The following KCNMA1 variants were observed in gnomAD, a reference collection of about 807,000 sequenced individuals.
The protein encoded by KCNMA1 is potassium calcium-activated channel subfamily M alpha 1.
In KCNMA1, 29 loss-of-function variants were observed where a neutral mutation model predicts 140.0. The observed-to-expected ratio is 0.21, with a 90% CI of 0.15 to 0.28. The LOEUF is 0.28. Among genes scored for constraint, KCNMA1 ranks in the 10% least tolerant of loss-of-function variants. The pLI is 1.00. For synonymous variants in KCNMA1, 612 were observed against 611.9 expected, an observed-to-expected ratio of 1.00 and a Z score of 0.00; for missense variants, 880 against 1,602.2, an observed-to-expected ratio of 0.55 and a Z score of 7.70.
intron 1 of KCNMA1, among the ~76,000 whole-genome samples, chr10:77,553,074 G>A (rs1434891611): frequency 1.3e-5 from 2 of 152,080 alleles, no homozygotes; most frequent in Non-Finnish European, 2.9e-5. Flanking sequence ...AAAAACGCCG[G>A]GTGGCGGGGT....
chr10:76,999,454 G>A (rs897272453), intron 19 of KCNMA1, among the ~76,000 whole-genome samples: 3 of 152,168 alleles, frequency 2.0e-5, no homozygotes, highest in Non-Finnish European at 4.4e-5. Context: ...CCGGGGGCTT[G>A]TGGTTACTTT....
At chr10:77,302,323 C>G (rs535549733) in intron 2 of KCNMA1, among the ~76,000 whole-genome samples, 1 of 152,110 alleles carries the variant, frequency 6.6e-6, no homozygotes, top group Non-Finnish European at 1.5e-5. Flanking sequence ...TGCTGCCCAC[C>G]CCCATACTGC....
intron 1 of KCNMA1, among the ~76,000 whole-genome samples, chr10:77,606,879 C>T (rs1473076294): frequency 3.9e-5 from 6 of 152,148 alleles, no homozygotes. Flanking sequence ...TCTGGGGAAG[C>T]CAACAACCCC....
chr10:77,349,335 C>T (rs1379604340), intron 2 of KCNMA1, among the ~76,000 whole-genome samples: 3 of 152,180 alleles, frequency 2.0e-5, no homozygotes, highest in Non-Finnish European at 4.4e-5. Flanking sequence ...CTGCTGGTGT[C>T]TTGACCTTGA....
intron 1 of KCNMA1, among the ~76,000 whole-genome samples, chr10:77,632,495 G>A (rs1009827208): frequency 5.3e-5 from 8 of 152,170 alleles, no homozygotes; most frequent in South Asian, 2.1e-4. Flanking sequence ...GTCGATGTTC[G>A]TCCACTGATA....
At chr10:77,389,347 A>T (rs1371957471) in intron 2 of KCNMA1, among the ~76,000 whole-genome samples, 2 of 152,190 alleles carry the variant, frequency 1.3e-5, no homozygotes, top group Non-Finnish European at 2.9e-5. Flanking sequence ...TCCGGCAGTC[A>T]TTATTTTAAA....
At chr10:77,091,496 A>T (rs1413684669) in intron 9 of KCNMA1, 1 of 152,236 alleles carries the variant, frequency 6.6e-6, no homozygotes, top group African/African-American at 2.4e-5. Context: ...TTGATGCAAG[A>T]GTCAGCCACA....
chr10:77,577,237 C>CG (rs1218715290), intron 1 of KCNMA1, among the ~76,000 whole-genome samples: 6 of 151,652 alleles, frequency 4.0e-5, no homozygotes, highest in Non-Finnish European at 7.4e-5. Context: ...TTAGTAGAGA[C>CG]GGGGGTTTCA....
intron 1 of KCNMA1, among the ~76,000 whole-genome samples, chr10:77,435,696 A>G (rs911686781): frequency 6.6e-6 from 1 of 152,250 alleles, no homozygotes; most frequent in Non-Finnish European, 1.5e-5. Flanking sequence ...AGATTATTTA[A>G]TGTCAAAGAA....
chr10:77,431,783 G>T (rs962101529), intron 1 of KCNMA1, among the ~76,000 whole-genome samples: 8 of 151,214 alleles, frequency 5.3e-5, no homozygotes, highest in African/African-American at 1.9e-4. Context: ...GGATCACGAG[G>T]TTAGGAGATT....
chr10:77,360,777 G>C (rs1420149569), intron 2 of KCNMA1, among the ~76,000 whole-genome samples: 2 of 152,172 alleles, frequency 1.3e-5, no homozygotes, highest in Admixed American at 1.3e-4. Flanking sequence ...ACAGCACTCA[G>C]CCCAGAAGAG....
intron 2 of KCNMA1, among the ~76,000 whole-genome samples, chr10:77,356,227 C>T (rs1350256819): frequency 6.6e-6 from 1 of 152,174 alleles, no homozygotes; most frequent in Non-Finnish European, 1.5e-5. Context: ...CTCTACCATT[C>T]TGACCCTGTT....
At chr10:76,888,095 G>T (rs1319534184) in intron 27 of KCNMA1, 1 of 164,230 alleles carries the variant, frequency 6.1e-6, no homozygotes, top group Non-Finnish European at 1.3e-5. Flanking sequence ...GTCAACAGCA[G>T]ATGTGACTAA....
chr10:77,079,613 T>C lies in KCNMA1; in HGVS notation c.1524-63A>G, dbSNP rs372090594. The stretch of plus-strand genomic sequence containing the variant: ...TTATGCATGGTGTCTGACAAAAAGA[T>C]CAATTTTACTGTCTCCAAATGGGGT... On this transcript the variant is annotated intron_variant, in intron 12 of 27. Coordinates refer to ENST00000286628, the MANE Select transcript of KCNMA1 (RefSeq NM_001161352.2). 1,127 of 1,130,158 alleles carry C rather than the reference T, an allele frequency of 1.0e-3. 2 individuals are homozygous for C. Among genetic ancestry groups the C allele is most frequent in the Middle Eastern group, 1.7e-3 (9 of 5,160 alleles). The allele number at this position is 1,130,158 out of a possible 1,614,324, so 70.0% of individuals were successfully genotyped here. A position where few individuals can be genotyped will look rare whatever the true frequency, so the allele number is the denominator to read the frequency against.
At chr10:77,091,198 G>A (rs1468526285) in intron 9 of KCNMA1, 1 of 153,690 alleles carries the variant, frequency 6.5e-6, no homozygotes, top group African/African-American at 2.4e-5. Flanking sequence ...TGCGTCCCCA[G>A]AGGGCTGCTT....
intron 20 of KCNMA1, among the ~76,000 whole-genome samples, chr10:76,954,221 C>T (rs903437998): frequency 6.6e-6 from 1 of 151,922 alleles, no homozygotes; most frequent in African/African-American, 2.4e-5. Context: ...TTAAGGCTAC[C>T]TCACTCCTCT....
At chr10:77,378,311 C>T (rs1053018863) in intron 2 of KCNMA1, among the ~76,000 whole-genome samples, 7 of 152,302 alleles carry the variant, frequency 4.6e-5, no homozygotes, top group African/African-American at 9.6e-5. Flanking sequence ...GCCCCACTTC[C>T]GTCGCAAAAG....
chr10:76,945,337 G>A (rs2152891540), intron 22 of KCNMA1, among the ~76,000 whole-genome samples: 1 of 152,214 alleles, frequency 6.6e-6, no homozygotes, highest in African/African-American at 2.4e-5. Flanking sequence ...GGCAACCTCT[G>A]GCTTTCAGAA....
intron 15 of KCNMA1, 73 bp downstream of exon 15, chr10:77,039,453 GGT>G: frequency 1.2e-6 from 1 of 861,314 alleles, no homozygotes; most frequent in Non-Finnish European, 2.0e-6. Flanking sequence ...ACCCAGCAGA[GGT>G]GGGAGGCTTC....
Sources: gnomAD v4.1 joint callset for allele counts (sites outside exome capture counted in the v4.1 genomes callset) on GRCh38, gnomAD v4.1.1 for gene constraint, MANE v1.5 for transcripts, NCBI Gene and HGNC (gene_info 2026-07-23, HGNC 2026-07-21) for gene names.